Variants in RIMS2 observed in about 807,000 individuals in gnomAD.
The protein encoded by RIMS2 is regulating synaptic membrane exocytosis protein 2.
A neutral mutation model predicts 174.4 loss-of-function variants in RIMS2; 59 were observed. The observed-to-expected ratio is 0.34, with a 90% CI of 0.27 to 0.42. The LOEUF (loss-of-function observed/expected upper bound fraction) is 0.42, where lower values mean the gene tolerates loss of function less well. Among genes scored for constraint, RIMS2 ranks in the 10% least tolerant of loss-of-function variants. RIMS2 has a pLI of 1.00. For missense variants in RIMS2, 1,620 were observed against 1,666.3 expected (o/e 0.97, Z 0.48); for synonymous variants, 606 against 572.5 (o/e 1.06, Z -0.84).
chr8:104,111,950 ATGTCTGT>A (rs981509578), intron 19 of RIMS2, among the ~76,000 whole-genome samples: 6 of 152,052 alleles, frequency 3.9e-5, no homozygotes, highest in Admixed American at 1.3e-4. Context: ...TCTTGCCATA[ATGTCTGT>A]TTATTTCTCT....
At position 103,983,860 on chromosome 8, in the gene RIMS2, C is replaced by G. The variant is rs1187765064; in HGVS notation, c.2928-5445C>G. Among the ~76,000 whole-genome samples the G allele has an allele frequency of 2.0e-5, 3 of 152,028 alleles. No individual in the cohort carries two copies. In the East Asian group the frequency reaches 5.8e-4, roughly 29 times the overall value. On this transcript the variant is annotated intron_variant, in intron 16 of 23. Transcript: ENST00000504942. ...TTGGCAACAATTTCTTGAGTAATAC[C>G]CCACACACAGGCAAACAAAGCAAAA...
chr8:103,770,077 C>G (rs1210700827), intron 3 of RIMS2, among the ~76,000 whole-genome samples: 1 of 152,082 alleles, frequency 6.6e-6, no homozygotes, highest in Admixed American at 6.6e-5. Context: ...TTATCTATAG[C>G]CAGTATTGAG....
chr8:104,155,612 A>G lies in RIMS2; in HGVS notation c.3335-89304A>G, dbSNP rs564635216. On this transcript the variant is annotated intron_variant, in intron 19 of 23. Coordinates refer to ENST00000504942, the Ensembl canonical transcript of RIMS2. ...GTATTTTTAGTGGAGATGGGGTTTC[A>G]CCGTGTTAGCCAGGGTGGTCTTGAT... 2.3e-3 allele frequency among the ~76,000 whole-genome samples: 345 copies of G among 149,618 alleles called. 2 individuals are homozygous for G. The highest frequency in any genetic ancestry group is 7.7e-3 in the African/African-American group (312 of 40,528).
chr8:104,072,118 C>A (rs1343867335), intron 19 of RIMS2, among the ~76,000 whole-genome samples: 1 of 152,130 alleles, frequency 6.6e-6, no homozygotes, highest in African/African-American at 2.4e-5. Flanking sequence ...CAAAGCATTT[C>A]TTGATGTGGA....
chr8:103,742,385 A>G (rs768349167), intron 2 of RIMS2, among the ~76,000 whole-genome samples: 3 of 152,130 alleles, frequency 2.0e-5, no homozygotes, highest in African/African-American at 7.2e-5. Flanking sequence ...GACTAGAACC[A>G]TATGTACATA....
chr8:103,870,063 T>G (rs986117690), intron 3 of RIMS2, among the ~76,000 whole-genome samples: 1 of 152,078 alleles, frequency 6.6e-6, no homozygotes, highest in African/African-American at 2.4e-5. Context: ...ATTGTTTATG[T>G]GTACTAGGGG....
At chr8:104,179,393 G>T (rs1202338383) in intron 19 of RIMS2, among the ~76,000 whole-genome samples, 1 of 151,810 alleles carries the variant, frequency 6.6e-6, no homozygotes, top group Non-Finnish European at 1.5e-5. Context: ...TCTTATTAAG[G>T]ATTCTAAGAA....
Position 103,579,442 on chromosome 8 carries a change from G to C in RIMS2, c.176+78380G>C, listed in dbSNP as rs139508632. On this transcript the variant is annotated intron_variant, in intron 1 of 23. Coordinates refer to ENST00000504942, the Ensembl canonical transcript of RIMS2. The stretch of plus-strand genomic sequence containing the variant: ...AATAATAGTGTAATTACAGTGTGCA[G>C]TCCATTCATAACTTTAGTATGAAGC... 8.3e-4 allele frequency among the ~76,000 whole-genome samples: 127 copies of C among 152,276 alleles called. 1 individual carries two copies. Among genetic ancestry groups the C allele is most frequent in the Non-Finnish European group, 1.4e-3 (95 of 68,020 alleles).
At chr8:103,739,833 G>C (rs1333966208) in intron 2 of RIMS2, among the ~76,000 whole-genome samples, 1 of 152,068 alleles carries the variant, frequency 6.6e-6, no homozygotes, top group African/African-American at 2.4e-5. Context: ...GAGTCTCTAG[G>C]AGCAAAACAT....
chr8:103,687,359 T>G (rs1267293471), intron 1 of RIMS2, among the ~76,000 whole-genome samples: 1 of 145,770 alleles, frequency 6.9e-6, no homozygotes, highest in Non-Finnish European at 1.5e-5. Flanking sequence ...GTTTATCAAT[T>G]TTAGTGATTT....
At chr8:103,579,753 T>C (rs1379371402) in intron 1 of RIMS2, among the ~76,000 whole-genome samples, 1 of 152,190 alleles carries the variant, frequency 6.6e-6, no homozygotes, top group African/African-American at 2.4e-5. Context: ...CACACTGCTA[T>C]AAAGAACTAC....
chr8:103,722,269 G>A lies in RIMS2; in HGVS notation c.387+24973G>A, dbSNP rs114306343. Among the ~76,000 whole-genome samples the A allele has an allele frequency of 9.7e-3, 1,483 of 152,162 alleles. 21 individuals carry two copies. The highest frequency in any genetic ancestry group is 0.049 in the South Asian group (235 of 4,808). ...CATGCCTGTAGTCCCAGCCACACAGGGGTGAGGAGATGGTTTCGGGATTAT... is the reference window on the plus strand; with the variant it reads ...CATGCCTGTAGTCCCAGCCACACAGAGGTGAGGAGATGGTTTCGGGATTAT... On this transcript the variant is annotated intron_variant, in intron 2 of 23. Transcript: ENST00000504942.
chr8:103,630,875 A>T (rs576261254), intron 1 of RIMS2, among the ~76,000 whole-genome samples: 1 of 151,886 alleles, frequency 6.6e-6, no homozygotes, highest in Admixed American at 6.6e-5. Flanking sequence ...GAATTGAGCT[A>T]TTTTTTTTAT....
intron 1 of RIMS2, among the ~76,000 whole-genome samples, chr8:103,614,014 G>A (rs1213163914): frequency 2.6e-5 from 4 of 152,232 alleles, no homozygotes. Context: ...AAGGGATGGT[G>A]CAAGCACTAC....
At chr8:103,612,858 T>C (rs111531641) in intron 1 of RIMS2, among the ~76,000 whole-genome samples, 17,624 of 152,202 alleles carry the variant, frequency 0.12, 1,354 homozygotes, top group Non-Finnish European at 0.17. Context: ...CGTGAGCCAC[T>C]GCACCTGGCC....
chr8:104,223,907 C>A, intron 19 of RIMS2: 1 of 823,014 alleles, frequency 1.2e-6, no homozygotes, highest in Non-Finnish European at 1.9e-6. Flanking sequence ...CCCCTCTGCT[C>A]TCCGGGACTG....
chr8:104,244,810 T>C (rs1239262695), intron 19 of RIMS2, 106 bp from the exon 26 acceptor site: 5 of 871,604 alleles, frequency 5.7e-6, no homozygotes, highest in Admixed American at 2.5e-5. Context: ...AAGAGCACTT[T>C]TTATTTACAC....
At chr8:103,926,689 G>A (rs2078855402) in intron 10 of RIMS2, among the ~76,000 whole-genome samples, 1 of 151,472 alleles carries the variant, frequency 6.6e-6, no homozygotes, top group African/African-American at 2.4e-5. Context: ...AGGCAAGAGA[G>A]ACATCCATAA....
chr8:103,617,057 C>T (rs868561318), intron 1 of RIMS2, among the ~76,000 whole-genome samples: 16 of 152,026 alleles, frequency 1.1e-4, no homozygotes, highest in African/African-American at 2.7e-4. Context: ...GCCCAGATAG[C>T]GAAGGCAATC....
Sources: allele counts gnomAD v4.1 joint callset (sites outside exome capture counted in the v4.1 genomes callset), GRCh38; gene constraint gnomAD v4.1.1; transcripts MANE v1.5; gene names NCBI Gene and HGNC (gene_info 2026-07-23, HGNC 2026-07-21).